The following ADAMTSL1 variants were observed in gnomAD, a reference collection of about 807,000 sequenced individuals.
ADAMTSL1 encodes the protein ADAMTS like 1.
In ADAMTSL1, 126 loss-of-function variants were observed where a neutral mutation model predicts 201.8. The observed-to-expected ratio is 0.62, with a 90% CI of 0.54 to 0.72. The LOEUF is 0.72. ADAMTSL1 is among the 30% of genes least tolerant of loss of function. The pLI, the probability that ADAMTSL1 is intolerant of heterozygous loss-of-function variation, is 0.00. For missense variants in ADAMTSL1, 2,679 were observed against 2,277.8 expected (o/e 1.18, Z -3.59); for synonymous variants, 1,121 against 903.4 (o/e 1.24, Z -4.32).
intron 5 of ADAMTSL1, among the ~76,000 whole-genome samples, chr9:18,634,647 G>A (rs533140656): frequency 9.9e-5 from 15 of 151,740 alleles, no homozygotes; most frequent in Admixed American, 5.3e-4. Flanking sequence ...AGACCAGTCT[G>A]GCCAATATAG....
chr9:18,889,829 C>T, intron 25 of ADAMTSL1, 81 bp downstream of exon 25: 1 of 1,351,814 alleles, frequency 7.4e-7, no homozygotes, highest in Non-Finnish European at 9.6e-7. Flanking sequence ...GCCAGCCCTT[C>T]AGTAGCACTG....
chr9:18,652,054 A>G (rs1283269718), intron 7 of ADAMTSL1, among the ~76,000 whole-genome samples: 1 of 152,096 alleles, frequency 6.6e-6, no homozygotes, highest in Admixed American at 6.6e-5. Flanking sequence ...ATAGTGATAC[A>G]TATCATTGAA....
intron 2 of ADAMTSL1, among the ~76,000 whole-genome samples, chr9:18,347,617 C>T (rs1835782293): frequency 6.6e-6 from 1 of 152,092 alleles, no homozygotes; most frequent in African/African-American, 2.4e-5. Context: ...TCATTTATTC[C>T]TTTCTTTCCC....
intron 1 of ADAMTSL1, among the ~76,000 whole-genome samples, chr9:18,161,076 T>C (rs560603849): frequency 2.0e-4 from 31 of 152,010 alleles, no homozygotes; most frequent in African/African-American, 7.5e-4. Context: ...TTGATATGTA[T>C]TATGAGACTT....
At chr9:18,787,161 G>C (rs1227325891) in intron 19 of ADAMTSL1, among the ~76,000 whole-genome samples, 1 of 152,168 alleles carries the variant, frequency 6.6e-6, no homozygotes, top group African/African-American at 2.4e-5. Context: ...TTTCAGTTTG[G>C]TTTGGCTTGT....
chr9:18,289,459 C>A (rs1365738383), intron 2 of ADAMTSL1, among the ~76,000 whole-genome samples: 2 of 152,128 alleles, frequency 1.3e-5, no homozygotes, highest in African/African-American at 2.4e-5. Flanking sequence ...AAGAGAAAGA[C>A]TTGAGATAAT....
At chr9:18,130,808 G>A (rs1365465292) in intron 1 of ADAMTSL1, among the ~76,000 whole-genome samples, 1 of 152,032 alleles carries the variant, frequency 6.6e-6, no homozygotes, top group Non-Finnish European at 1.5e-5. Flanking sequence ...CACTTTCTCT[G>A]CTACAGCCTT....
At chr9:18,316,252 C>T (rs1051117393) in intron 2 of ADAMTSL1, among the ~76,000 whole-genome samples, 12 of 152,224 alleles carry the variant, frequency 7.9e-5, no homozygotes, top group African/African-American at 1.4e-4. Flanking sequence ...AATGAAGTTT[C>T]GGGCACCATT....
At chr9:18,657,074 C>G (rs1012163569) in intron 7 of ADAMTSL1, among the ~76,000 whole-genome samples, 2 of 152,056 alleles carry the variant, frequency 1.3e-5, no homozygotes, top group African/African-American at 4.8e-5. Flanking sequence ...TTTGAATTAC[C>G]TAGTTCGCTG....
chr9:18,321,800 C>CCAAAA (rs910330827), intron 2 of ADAMTSL1, among the ~76,000 whole-genome samples: 2 of 151,932 alleles, frequency 1.3e-5, no homozygotes, highest in African/African-American at 2.4e-5. Flanking sequence ...GTCAAAAAAA[C>CCAAAA]CAAAACAAAA....
At chr9:18,129,303 C>G (rs921855136) in intron 1 of ADAMTSL1, among the ~76,000 whole-genome samples, 12 of 152,122 alleles carry the variant, frequency 7.9e-5, no homozygotes, top group Non-Finnish European at 1.3e-4. Context: ...GAATTGCAGG[C>G]CAATAGAGCT....
intron 4 of ADAMTSL1, among the ~76,000 whole-genome samples, chr9:18,577,007 A>G (rs987819121): frequency 3.9e-5 from 6 of 152,240 alleles, no homozygotes; most frequent in East Asian, 3.9e-4. Flanking sequence ...ACCATTTGGT[A>G]ATGGTCCCCA....
intron 2 of ADAMTSL1, among the ~76,000 whole-genome samples, chr9:18,205,339 C>T (rs186251553): frequency 1.2e-4 from 18 of 152,176 alleles, no homozygotes; most frequent in Middle Eastern, 6.8e-3. Context: ...AATGAAAATA[C>T]ACAATAACAT....
chr9:18,844,035 TGTCAAA>T (rs1563850674), intron 23 of ADAMTSL1, among the ~76,000 whole-genome samples: 1 of 152,232 alleles, frequency 6.6e-6, no homozygotes. Flanking sequence ...TCTCTCAACT[TGTCAAA>T]GTCATTCTCC....
At chr9:18,502,235 A>G (rs1822881881) in intron 1 of ADAMTSL1, among the ~76,000 whole-genome samples, 1 of 152,232 alleles carries the variant, frequency 6.6e-6, no homozygotes, top group African/African-American at 2.4e-5. Flanking sequence ...GTAATCACTC[A>G]TTTCAATTAC....
At chr9:18,391,826 T>TTC (rs1247885256) in intron 2 of ADAMTSL1, among the ~76,000 whole-genome samples, 4 of 136,556 alleles carry the variant, frequency 2.9e-5, no homozygotes, top group East Asian at 2.0e-4. Flanking sequence ...TTTTCTTTCT[T>TTC]TTTTTTTTTT....
intron 2 of ADAMTSL1, among the ~76,000 whole-genome samples, chr9:18,168,139 G>A (rs530306010): frequency 6.6e-6 from 1 of 151,796 alleles, no homozygotes; most frequent in Non-Finnish European, 1.5e-5. Flanking sequence ...AATACTTTAA[G>A]TTTTAGGATA....
intron 7 of ADAMTSL1, among the ~76,000 whole-genome samples, chr9:18,647,610 G>T (rs543265461): frequency 2.6e-5 from 4 of 151,998 alleles, no homozygotes; most frequent in African/African-American, 9.6e-5. Context: ...TGGTTTCAAA[G>T]AACATCTTTA....
At chr9:18,317,855 G>T (rs1834465823) in intron 2 of ADAMTSL1, among the ~76,000 whole-genome samples, 1 of 152,156 alleles carries the variant, frequency 6.6e-6, no homozygotes, top group South Asian at 2.1e-4. Flanking sequence ...AAACACCAGA[G>T]CTGAATTTTC....
Sources: allele counts gnomAD v4.1 joint callset (sites outside exome capture counted in the v4.1 genomes callset), GRCh38; gene constraint gnomAD v4.1.1; transcripts MANE v1.5; gene names NCBI Gene and HGNC (gene_info 2026-07-23, HGNC 2026-07-21).